SLC27A6: variants seen among roughly 807,000 people sequenced by gnomAD.
The protein encoded by SLC27A6 is long-chain fatty acid transport protein 6.
Under a neutral mutation model 63.9 loss-of-function variants are expected in SLC27A6, and 74 were observed. The observed-to-expected ratio is 1.16, with a 90% CI of 0.96 to 1.40. The LOEUF (loss-of-function observed/expected upper bound fraction) is 1.40, where lower values mean the gene tolerates loss of function less well. SLC27A6 is among the 40% of genes most tolerant of loss of function. SLC27A6 has a pLI of 0.00. For missense variants in SLC27A6, 794 were observed against 732.9 expected, an observed-to-expected ratio of 1.08 and a Z score of -0.96; for synonymous variants, 287 against 260.8, an observed-to-expected ratio of 1.10 and a Z score of -0.97.
Position 129,033,215 on chromosome 5 carries a change from A to T in SLC27A6, c.1793A>T (p.Lys598Ile), listed in dbSNP as rs745401562. Residue 598 changes from lysine (K) to isoleucine (I), a missense_variant, in exon 10 of 10, where the codon AAA (lysine) becomes ATA (isoleucine). By Grantham distance (102) the Lys-to-Ile change is moderately radical. Coordinates refer to ENST00000262462, the MANE Select transcript of SLC27A6 (RefSeq NM_001017372.3). ...SEPLYFMDNL[K>I]KSYVLLTREL... ...CCACTTTACTTCATGGATAACTTGA[A>T]AAAGTCTTATGTTCTACTGACCAGG... 6.2e-7 allele frequency: 1 copy of T among 1,602,364 alleles called. No homozygotes were observed. Among genetic ancestry groups the T allele is most frequent in the African/African-American group, 1.3e-5 (1 of 74,318 alleles).
At chr5:128,995,443 C>T (rs557360707) in intron 4 of SLC27A6, among the ~76,000 whole-genome samples, 59 of 152,182 alleles carry the variant, frequency 3.9e-4, no homozygotes, top group Non-Finnish European at 7.1e-4. Context: ...AGAAAATAAA[C>T]CCAGCAAACA....
chr5:128,983,111 C>A (rs1445322753), intron 1 of SLC27A6, among the ~76,000 whole-genome samples: 1 of 152,070 alleles, frequency 6.6e-6, no homozygotes, highest in African/African-American at 2.4e-5. Context: ...TTGAGGGAAC[C>A]AGATACTGAT....
intron 1 of SLC27A6, among the ~76,000 whole-genome samples, chr5:128,968,351 T>A (rs1749992407): frequency 6.6e-6 from 1 of 152,154 alleles, no homozygotes; most frequent in African/African-American, 2.4e-5. Context: ...TCTTCCACAA[T>A]GGTTGAACTA....
chr5:129,017,908 C>T (rs1751958261), intron 5 of SLC27A6, among the ~76,000 whole-genome samples: 2 of 152,098 alleles, frequency 1.3e-5, no homozygotes, highest in South Asian at 4.1e-4. Flanking sequence ...GCAAATAATT[C>T]CTCTGTTACG....
At chr5:128,989,923 C>CAAAAAAAAAAAAA (rs11415836) in intron 3 of SLC27A6, among the ~76,000 whole-genome samples, 1 of 96,448 alleles carries the variant, frequency 1.0e-5, no homozygotes, top group East Asian at 3.2e-4. Context: ...GACTCCGTCT[C>CAAAAAAAAAAAAA]AAAAAAAAAA....
intron 1 of SLC27A6, among the ~76,000 whole-genome samples, chr5:128,984,902 G>C (rs1467689448): frequency 6.6e-6 from 1 of 152,194 alleles, no homozygotes; most frequent in Admixed American, 6.5e-5. Flanking sequence ...CTTAAATTCA[G>C]TCTGAATTGG....
chr5:129,029,837 G>A (rs1752361283), intron 9 of SLC27A6, 130 bp downstream of exon 9: 1 of 725,388 alleles, frequency 1.4e-6, no homozygotes. Flanking sequence ...TAGAGTTGAT[G>A]CAGATCGATG....
Position 128,970,752 on chromosome 5 carries a change from A to C in SLC27A6, c.481+4134A>C, listed in dbSNP as rs1007102700. ...TTTTTGAAGGGTTTTTTATGTCTCT[A>C]TCTCCTTCAGTTCTGCTCTGATCTT... On this transcript the variant is annotated intron_variant, in intron 1 of 9. Coordinates refer to ENST00000262462, the MANE Select transcript of SLC27A6 (RefSeq NM_001017372.3). Among the ~76,000 whole-genome samples, 11 of 150,304 alleles carry C rather than the reference A, an allele frequency of 7.3e-5. 1 individual carries two copies. Among genetic ancestry groups the C allele is most frequent in the African/African-American group, 2.7e-4 (11 of 41,124 alleles).
Position 129,023,699 on chromosome 5 carries a change from A to G in SLC27A6, c.1244A>G (p.His415Arg). Residue 415 changes from histidine (H) to arginine (R), a missense_variant, in exon 6 of 10, where the codon CAT becomes CGT. Physicochemically the swap from His to Arg is conservative, Grantham distance 29. Transcript: ENST00000262462. ...AGAAATGAGCAGGGTTGGTGTATTC[A>G]TGTGAAAAAAGGTAAGACTTCTATT... ...PMRNEQGWCI[H>R]VKKGEPGLLI... 6.2e-7 allele frequency: 1 copy of G among 1,607,262 alleles called. No homozygotes were observed. Among genetic ancestry groups the G allele is most frequent in the East Asian group, 2.2e-5 (1 of 44,732 alleles).
At chr5:128,977,934 T>C (rs1424348429) in intron 1 of SLC27A6, among the ~76,000 whole-genome samples, 1 of 152,142 alleles carries the variant, frequency 6.6e-6, no homozygotes, top group Non-Finnish European at 1.5e-5. Flanking sequence ...GATCAGTAGA[T>C]GGTAATCTTG....
intron 6 of SLC27A6, 104 bp downstream of exon 6, chr5:129,023,814 G>C: frequency 1.3e-6 from 1 of 751,070 alleles, no homozygotes; most frequent in South Asian, 1.6e-5. Flanking sequence ...ACCCCGGGTA[G>C]ACACCAAAAT....
In SLC27A6 at chr5:129,027,277, T is replaced by G. The variant is rs776621170; in HGVS notation, c.1400T>G (p.Val467Gly). 52 of 1,613,134 alleles carry G rather than the reference T, an allele frequency of 3.2e-5. No homozygotes were observed. The highest frequency in any genetic ancestry group is 4.2e-5 in the Non-Finnish European group (50 of 1,179,370). ...DVYLNTGDLI[V>G]QDQDNFLYFW... ...TACCTTAATACTGGAGACTTAATAG[T>G]CCAGGATCAGGACAATTTCCTTTAT... The change falls in exon 7 of 10, where the codon GTC (valine) becomes GGC (glycine). Residue 467 changes from valine to glycine, a missense_variant. By Grantham distance (109) the Val-to-Gly change is moderately radical. Coordinates refer to ENST00000262462, the MANE Select transcript of SLC27A6 (RefSeq NM_001017372.3).
At chr5:129,007,701 T>C (rs1027491439) in intron 4 of SLC27A6, among the ~76,000 whole-genome samples, 1 of 152,090 alleles carries the variant, frequency 6.6e-6, no homozygotes, top group African/African-American at 2.4e-5. Flanking sequence ...CAATAAGATA[T>C]AAATTTTTAG....
At chr5:129,017,558 G>GA (rs1354929785) in intron 5 of SLC27A6, among the ~76,000 whole-genome samples, 1 of 151,848 alleles carries the variant, frequency 6.6e-6, no homozygotes, top group African/African-American at 2.4e-5. Context: ...TAATGACATA[G>GA]AAAAAATGTT....
intron 1 of SLC27A6, among the ~76,000 whole-genome samples, chr5:128,978,243 G>A (rs931672478): frequency 6.6e-6 from 1 of 152,072 alleles, no homozygotes; most frequent in Non-Finnish European, 1.5e-5. Context: ...GCCTGAATGT[G>A]TATTTTTTCA....
At chr5:129,006,031 T>C (rs928291959) in intron 4 of SLC27A6, among the ~76,000 whole-genome samples, 1 of 149,822 alleles carries the variant, frequency 6.7e-6, no homozygotes, top group African/African-American at 2.4e-5. Context: ...TATCTTATTA[T>C]GTATTCCATA....
chr5:129,003,967 CAAAAA>C (rs779667758), intron 4 of SLC27A6, among the ~76,000 whole-genome samples: 2 of 69,424 alleles, frequency 2.9e-5, no homozygotes, highest in Admixed American at 1.7e-4. Context: ...GACCCTGTCT[CAAAAA>C]AAAAAAAAAA....
chr5:129,025,799 C>T (rs984177736), intron 6 of SLC27A6, among the ~76,000 whole-genome samples: 1 of 152,040 alleles, frequency 6.6e-6, no homozygotes, highest in Non-Finnish European at 1.5e-5. Flanking sequence ...CCTATGTGCC[C>T]TTGAAAGCCA....
intron 5 of SLC27A6, among the ~76,000 whole-genome samples, chr5:129,021,431 T>C (rs1752073557): frequency 1.3e-5 from 2 of 152,156 alleles, no homozygotes; most frequent in African/African-American, 2.4e-5. Flanking sequence ...GCGTTCCTTT[T>C]CCAACTCATA....
Sources: allele counts gnomAD v4.1 joint callset (sites outside exome capture counted in the v4.1 genomes callset), GRCh38; gene constraint gnomAD v4.1.1; transcripts MANE v1.5; gene names NCBI Gene and HGNC (gene_info 2026-07-23, HGNC 2026-07-21).